GSG1L: variants seen among roughly 807,000 people sequenced by gnomAD.
The protein encoded by GSG1L is germ cell-specific gene 1-like protein.
Under a neutral mutation model 42.1 loss-of-function variants are expected in GSG1L, and 24 were observed. The observed-to-expected ratio is 0.57, with a 90% confidence interval of 0.41 to 0.80. GSG1L has a LOEUF of 0.80. Ranked by LOEUF, GSG1L falls within the 30% of genes least tolerant of loss-of-function variation. The pLI is 0.00. For missense variants in GSG1L, 445 were observed against 472.2 expected, an observed-to-expected ratio of 0.94 and a Z score of 0.53; for synonymous variants, 215 against 203.5, an observed-to-expected ratio of 1.06 and a Z score of -0.48.
chr16:27,849,825 C>G (rs931526799), intron 3 of GSG1L, among the ~76,000 whole-genome samples: 1 of 150,498 alleles, frequency 6.6e-6, no homozygotes. Flanking sequence ...TGTGCCCAGC[C>G]TGGGGCAAGT....
At chr16:28,022,393 A>G (rs566875247) in intron 1 of GSG1L, among the ~76,000 whole-genome samples, 1 of 152,138 alleles carries the variant, frequency 6.6e-6, no homozygotes, top group East Asian at 1.9e-4. Flanking sequence ...TGGCGTGATC[A>G]CAGCTCACTG....
chr16:27,913,857 T>C (rs2084420484), intron 2 of GSG1L, among the ~76,000 whole-genome samples: 1 of 152,234 alleles, frequency 6.6e-6, no homozygotes, highest in South Asian at 2.1e-4. Flanking sequence ...TTTTTCTACG[T>C]ATTTTCTAAT....
chr16:27,873,823 G>C (rs930381922), intron 3 of GSG1L, among the ~76,000 whole-genome samples: 10 of 152,190 alleles, frequency 6.6e-5, no homozygotes, highest in Non-Finnish European at 1.3e-4. Flanking sequence ...ACTACCTTGG[G>C]GAAAGGAGGG....
At chr16:27,904,935 G>A (rs2084303197) in intron 2 of GSG1L, among the ~76,000 whole-genome samples, 1 of 152,228 alleles carries the variant, frequency 6.6e-6, no homozygotes, top group African/African-American at 2.4e-5. Context: ...GCAGCCGACA[G>A]GTGGGAATAT....
At chr16:28,061,962 C>A (rs1156333633) in intron 1 of GSG1L, among the ~76,000 whole-genome samples, 1 of 152,230 alleles carries the variant, frequency 6.6e-6, no homozygotes, top group Non-Finnish European at 1.5e-5. Flanking sequence ...GCCCTCTAAA[C>A]CACTTAGGCC....
intron 2 of GSG1L, among the ~76,000 whole-genome samples, chr16:27,957,766 T>A (rs189106935): frequency 6.6e-6 from 1 of 152,380 alleles, no homozygotes; most frequent in Non-Finnish European, 1.5e-5. Flanking sequence ...GAGGTTTATT[T>A]GGCTCACAAT....
At chr16:27,997,221 T>C (rs1567549363) in intron 1 of GSG1L, among the ~76,000 whole-genome samples, 2 of 151,354 alleles carry the variant, frequency 1.3e-5, no homozygotes, top group Non-Finnish European at 2.9e-5. Context: ...TGACTCGTGG[T>C]TCCCAATATT....
chr16:27,798,585 T>C (rs548624286), intron 6 of GSG1L, among the ~76,000 whole-genome samples: 152 of 152,276 alleles, frequency 1.0e-3, no homozygotes, highest in African/African-American at 3.6e-3. Flanking sequence ...GCATCGCAGC[T>C]GCAGAAGTTG....
chr16:27,987,647 C>A (rs34799624), intron 1 of GSG1L, among the ~76,000 whole-genome samples: 32,066 of 152,018 alleles, frequency 0.21, 3,660 homozygotes, highest in South Asian at 0.34. Context: ...CTGGGGAAGA[C>A]GTTAGAAAGG....
chr16:27,859,181 G>T (rs2083613493), intron 3 of GSG1L, among the ~76,000 whole-genome samples: 1 of 152,174 alleles, frequency 6.6e-6, no homozygotes, highest in Non-Finnish European at 1.5e-5. Flanking sequence ...CTGGCTCCGT[G>T]TCTCTGCAGG....
chr16:27,894,874 G>A (rs1430650694), intron 2 of GSG1L, among the ~76,000 whole-genome samples: 1 of 152,158 alleles, frequency 6.6e-6, no homozygotes, highest in Non-Finnish European at 1.5e-5. Context: ...GCTATTTCCT[G>A]TTGTGTGTCT....
intron 3 of GSG1L, among the ~76,000 whole-genome samples, chr16:27,852,542 G>C (rs921135310): frequency 6.6e-6 from 1 of 152,048 alleles, no homozygotes. Flanking sequence ...GAGGGAGGAG[G>C]AGGAGGGTGG....
chr16:27,982,195 T>G (rs746715281), intron 1 of GSG1L, among the ~76,000 whole-genome samples: 7 of 152,092 alleles, frequency 4.6e-5, no homozygotes, highest in African/African-American at 1.7e-4. Flanking sequence ...CAGCAAGAGC[T>G]TGTCTCTATA....
At chr16:27,927,661 C>T (rs978466276) in intron 2 of GSG1L, among the ~76,000 whole-genome samples, 15 of 152,270 alleles carry the variant, frequency 9.9e-5, no homozygotes, top group African/African-American at 3.6e-4. Context: ...TTAGTTGGCT[C>T]CCACCCATCC....
chr16:27,792,787 A>G (rs1455554908), intron 6 of GSG1L, among the ~76,000 whole-genome samples: 1 of 151,990 alleles, frequency 6.6e-6, no homozygotes, highest in Non-Finnish European at 1.5e-5. Context: ...ACTAAGGGAG[A>G]GGGTTGGTGT....
chr16:27,803,916 T>C (rs1199015827), intron 6 of GSG1L, among the ~76,000 whole-genome samples: 1 of 151,094 alleles, frequency 6.6e-6, no homozygotes, highest in Non-Finnish European at 1.5e-5. Flanking sequence ...GATGACACGA[T>C]TGATAGATGA....
intron 6 of GSG1L, among the ~76,000 whole-genome samples, chr16:27,793,778 C>T (rs914156956): frequency 5.3e-5 from 8 of 152,194 alleles, no homozygotes; most frequent in East Asian, 1.9e-4. Context: ...CCAGGAGGCA[C>T]TTGGGGCTCA....
intron 3 of GSG1L, among the ~76,000 whole-genome samples, chr16:27,864,995 G>A (rs2083697003): frequency 6.6e-6 from 1 of 152,192 alleles, no homozygotes; most frequent in Non-Finnish European, 1.5e-5. Flanking sequence ...CTGCCACAAG[G>A]CTCAGGGTTT....
At chr16:27,844,306 A>G (rs958838195) in intron 4 of GSG1L, among the ~76,000 whole-genome samples, 11 of 152,134 alleles carry the variant, frequency 7.2e-5, no homozygotes, top group Admixed American at 5.9e-4. Context: ...CATGCCTTTC[A>G]TATGCAAACC....
Sources: allele counts gnomAD v4.1 joint callset (sites outside exome capture counted in the v4.1 genomes callset), GRCh38; gene constraint gnomAD v4.1.1; transcripts MANE v1.5; gene names NCBI Gene and HGNC (gene_info 2026-07-23, HGNC 2026-07-21).